ZEB1: variants seen among roughly 807,000 people sequenced by gnomAD.
The protein encoded by ZEB1 is zinc finger E-box-binding homeobox 1.
In ZEB1, 21 loss-of-function variants were observed where a neutral mutation model predicts 84.9. That is an observed-to-expected ratio of 0.25 (90% CI 0.18 to 0.36). The LOEUF (loss-of-function observed/expected upper bound fraction) is 0.36. Among genes scored for constraint, ZEB1 ranks in the 10% least tolerant of loss-of-function variants. The pLI is 1.00. For missense variants in ZEB1, 1,104 were observed against 1,330.2 expected (o/e 0.83, Z 2.65); for synonymous variants, 420 against 471.1 (o/e 0.89, Z 1.41).
chr10:31,434,588 A>C (rs761955959), intron 1 of ZEB1, among the ~76,000 whole-genome samples: 17 of 152,168 alleles, frequency 1.1e-4, no homozygotes, highest in Non-Finnish European at 2.1e-4. Flanking sequence ...AACTTTTTGA[A>C]ACTTTATGTC....
chr10:31,328,012 G>T (rs996278298), intron 1 of ZEB1, among the ~76,000 whole-genome samples: 1 of 151,782 alleles, frequency 6.6e-6, no homozygotes, highest in Non-Finnish European at 1.5e-5. Flanking sequence ...CATTTCTCTT[G>T]TGTATTTAAG....
intron 1 of ZEB1, among the ~76,000 whole-genome samples, chr10:31,327,381 G>A (rs964444004): frequency 1.3e-5 from 2 of 152,036 alleles, no homozygotes; most frequent in Admixed American, 6.5e-5. Flanking sequence ...AAAGTGCTGG[G>A]ATTACAGGTG....
At chr10:31,462,691 AT>A (rs1319622899) in intron 2 of ZEB1, among the ~76,000 whole-genome samples, 1 of 152,196 alleles carries the variant, frequency 6.6e-6, no homozygotes, top group Non-Finnish European at 1.5e-5. Flanking sequence ...ATATGAAGTG[AT>A]TTGTGTACTA....
Position 31,336,735 on chromosome 10 carries a change from C to A in ZEB1, c.58+17443C>A, listed in dbSNP as rs114869607. Among the ~76,000 whole-genome samples the A allele has an allele frequency of 5.6e-3, 848 of 152,160 alleles. 13 individuals are homozygous for A. Among genetic ancestry groups the A allele is most frequent in the African/African-American group, 0.02 (813 of 41,512 alleles). On this transcript the variant is annotated intron_variant, in intron 1 of 8. Coordinates refer to ENST00000424869, the MANE Select transcript of ZEB1 (RefSeq NM_001174096.2). ...AAGGAGTGTATTATAAGATATTCAA[C>A]CTCATTAGGAATCAGGGAAATGCAA...
intron 1 of ZEB1, among the ~76,000 whole-genome samples, chr10:31,410,604 G>A (rs1179486264): frequency 6.6e-6 from 1 of 152,134 alleles, no homozygotes; most frequent in East Asian, 1.9e-4. Flanking sequence ...TGTACCTCTG[G>A]TAGAATTCAG....
chr10:31,319,513 AC>A, intron 1 of ZEB1: 1 of 564,530 alleles, frequency 1.8e-6, no homozygotes. Context: ...TATGTCTCTT[AC>A]CTGGTCTCTC....
chr10:31,425,462 G>A (rs1233195606), intron 1 of ZEB1, among the ~76,000 whole-genome samples: 3 of 151,988 alleles, frequency 2.0e-5, no homozygotes, highest in African/African-American at 7.2e-5. Context: ...GAAAACTGTG[G>A]CAGAGAAAAT....
intron 1 of ZEB1, chr10:31,360,929 T>TA: frequency 6.4e-7 from 1 of 1,565,252 alleles, no homozygotes; most frequent in East Asian, 2.2e-5. Flanking sequence ...TCTAATAAAT[T>TA]GCATGTCTGG....
intron 1 of ZEB1, among the ~76,000 whole-genome samples, chr10:31,402,092 TTGTTGTTGTTGTTGTTGC>T (rs1355066774): frequency 6.6e-6 from 1 of 150,564 alleles, no homozygotes; most frequent in African/African-American, 2.5e-5. Context: ...AGTCAGTATT[TTGTTGTTGTTGTTGTTGC>T]TGTTGTTGTT....
intron 1 of ZEB1, among the ~76,000 whole-genome samples, chr10:31,325,091 T>C (rs7100972): frequency 0.034 from 5,222 of 152,132 alleles, 296 homozygotes; most frequent in African/African-American, 0.12. Flanking sequence ...TGGAGGTGGG[T>C]TACGCTGTTA....
At chr10:31,385,079 C>A (rs188575273) in intron 1 of ZEB1, among the ~76,000 whole-genome samples, 1 of 152,212 alleles carries the variant, frequency 6.6e-6, no homozygotes, top group East Asian at 1.9e-4. Flanking sequence ...TTTTAAATCT[C>A]TTTTTCACAT....
chr10:31,490,884 G>T (rs1224661698), intron 2 of ZEB1, among the ~76,000 whole-genome samples: 1 of 151,582 alleles, frequency 6.6e-6, no homozygotes, highest in African/African-American at 2.4e-5. Flanking sequence ...AGTTGTATTC[G>T]GGATGCAGTC....
intron 1 of ZEB1, among the ~76,000 whole-genome samples, chr10:31,407,757 G>A (rs939502625): frequency 8.6e-5 from 13 of 151,480 alleles, no homozygotes; most frequent in Non-Finnish European, 1.6e-4. Context: ...AATAATAAGA[G>A]CTATCTATGA....
Position 31,529,066 on chromosome 10 carries a change from T to A in ZEB1, c.*1802T>A, listed in dbSNP as rs1409050603. ...GTTGGGAACAATGTTTAACATTTTG[T>A]GCCAATTTGTTCCTGTATTCATGTA... On this transcript the variant is annotated 3_prime_UTR_variant, in exon 9 of 9. Transcript: ENST00000424869. 1 of 152,216 alleles carries A rather than the reference T, an allele frequency of 6.6e-6. No homozygotes were observed. The highest frequency in any genetic ancestry group is 1.5e-5 in the Non-Finnish European group (1 of 68,028). 9.4% of individuals were successfully genotyped at this position (152,216 alleles called of 1,614,324 possible). A position where few individuals can be genotyped will look rare whatever the true frequency, so the allele number is the denominator to read the frequency against.
intron 8 of ZEB1, among the ~76,000 whole-genome samples, chr10:31,524,864 A>G (rs2073118441): frequency 6.6e-6 from 1 of 152,122 alleles, no homozygotes; most frequent in African/African-American, 2.4e-5. Context: ...TGTTTTAAGT[A>G]AGAAGTTCTG....
chr10:31,411,184 A>C (rs1172252079), intron 1 of ZEB1, among the ~76,000 whole-genome samples: 1 of 152,220 alleles, frequency 6.6e-6, no homozygotes, highest in Non-Finnish European at 1.5e-5. Flanking sequence ...CAGTGCAATC[A>C]AATTAGAACT....
intron 1 of ZEB1, among the ~76,000 whole-genome samples, chr10:31,409,527 G>T (rs926546456): frequency 2.6e-5 from 4 of 152,110 alleles, no homozygotes; most frequent in Non-Finnish European, 5.9e-5. Flanking sequence ...GTTTAAAGTG[G>T]TTTTTTCTAA....
At chr10:31,388,103 A>G (rs2048968212) in intron 1 of ZEB1, among the ~76,000 whole-genome samples, 1 of 152,150 alleles carries the variant, frequency 6.6e-6, no homozygotes, top group Non-Finnish European at 1.5e-5. Flanking sequence ...TTAATTGACT[A>G]TGGAGAAGAG....
chr10:31,367,257 G>T (rs933779900), intron 1 of ZEB1, among the ~76,000 whole-genome samples: 2 of 152,160 alleles, frequency 1.3e-5, no homozygotes, highest in Non-Finnish European at 2.9e-5. Flanking sequence ...ACTGGTATAC[G>T]TAGTGTCTTG....
Sources: allele counts gnomAD v4.1 joint callset (sites outside exome capture counted in the v4.1 genomes callset), GRCh38; gene constraint gnomAD v4.1.1; transcripts MANE v1.5; gene names NCBI Gene and HGNC (gene_info 2026-07-23, HGNC 2026-07-21).